The following BBX variants were observed in gnomAD, a reference collection of about 807,000 sequenced individuals.
The protein encoded by BBX is BBX high mobility group box domain containing.
In BBX, 30 loss-of-function variants were observed where a neutral mutation model predicts 100.2. The ratio of observed to expected loss-of-function variants is 0.30; its 90% confidence interval spans 0.22 to 0.41. The LOEUF is 0.41. Ranked by LOEUF, BBX falls within the 10% of genes least tolerant of loss-of-function variation. BBX has a pLI of 1.00. For missense variants in BBX, 1,023 were observed against 1,129.8 expected (o/e 0.91, Z 1.35); for synonymous variants, 376 against 388.1 (o/e 0.97, Z 0.37).
At chr3:107,685,454 G>A (rs1028297610) in intron 3 of BBX, among the ~76,000 whole-genome samples, 3 of 152,194 alleles carry the variant, frequency 2.0e-5, no homozygotes, top group Non-Finnish European at 2.9e-5. Context: ...GCAAAGGGGA[G>A]GAAACTCATC....
At chr3:107,690,519 C>T (rs879522029) in intron 3 of BBX, among the ~76,000 whole-genome samples, 22 of 152,134 alleles carry the variant, frequency 1.4e-4, no homozygotes, top group Admixed American at 1.2e-3. Context: ...TTGGGTTTAA[C>T]TCAATATGTG....
chr3:107,783,221 C>T lies in BBX; in HGVS notation c.2203+4702C>T, dbSNP rs547340874. 5.3e-5 allele frequency among the ~76,000 whole-genome samples: 8 copies of T among 152,124 alleles called. No individual in the cohort carries two copies. In the South Asian group the frequency reaches 1.7e-3, roughly 31 times the overall value. ...CTCAGTGACTACAATTAAATCTTAT[C>T]TATTTGTTTTCGAGTTTGTCACTTT... On this transcript the variant is annotated intron_variant, in intron 13 of 17. Coordinates refer to ENST00000325805, the MANE Select transcript of BBX (RefSeq NM_001142568.3).
chr3:107,795,955 C>T (rs989718715), intron 15 of BBX, among the ~76,000 whole-genome samples: 3 of 152,212 alleles, frequency 2.0e-5, no homozygotes, highest in African/African-American at 7.2e-5. Flanking sequence ...GTGCTAGTCA[C>T]AGGAGTACTG....
At chr3:107,605,453 C>T (rs1414810011) in intron 2 of BBX, among the ~76,000 whole-genome samples, 1 of 151,316 alleles carries the variant, frequency 6.6e-6, no homozygotes, top group Non-Finnish European at 1.5e-5. Flanking sequence ...ATTTGTTATT[C>T]ACTCAGTGTT....
At chr3:107,741,164 T>A (rs1255089883) in intron 7 of BBX, among the ~76,000 whole-genome samples, 2 of 151,926 alleles carry the variant, frequency 1.3e-5, no homozygotes, top group Non-Finnish European at 2.9e-5. Context: ...CGGCAGTGCA[T>A]GGTTGTGGTC....
At chr3:107,772,245 C>G (rs569136368) in intron 10 of BBX, among the ~76,000 whole-genome samples, 5 of 152,256 alleles carry the variant, frequency 3.3e-5, no homozygotes, top group African/African-American at 1.2e-4. Context: ...TTTACAGAAG[C>G]CACAGAGGAG....
Position 107,716,663 on chromosome 3 carries a change from T to G in BBX, c.219T>G (p.Asp73Glu). The change falls in exon 5 of 18, where the codon GAT (aspartate) becomes GAG (glutamate). Residue 73 changes from aspartate to glutamate, a missense_variant. By Grantham distance (45) the Asp-to-Glu change is conservative (BLOSUM62 2). Coordinates refer to ENST00000325805, the MANE Select transcript of BBX (RefSeq NM_001142568.3). The stretch of plus-strand genomic sequence containing the variant: ...AAGATGTTGGTGAAACTGAAGATGA[T>G]GAATCACCAGAGCAGCGAGCCCGGA... Reference protein sequence around the residue: ...LEQDVGETEDDESPEQRARRP... With the variant: ...LEQDVGETEDEESPEQRARRP... The G allele has an allele frequency of 6.2e-7, 1 of 1,613,834 alleles. No homozygotes were observed. Among genetic ancestry groups the G allele is most frequent in the Non-Finnish European group, 8.5e-7 (1 of 1,179,810 alleles).
chr3:107,761,540 A>G (rs941604032), intron 10 of BBX, among the ~76,000 whole-genome samples: 1 of 152,126 alleles, frequency 6.6e-6, no homozygotes, highest in African/African-American at 2.4e-5. Flanking sequence ...GAATTGTTTG[A>G]GTGAGTCAAT....
chr3:107,743,902 CTTCT>C (rs2064323910), intron 7 of BBX, among the ~76,000 whole-genome samples: 1 of 26,616 alleles, frequency 3.8e-5, no homozygotes, highest in Non-Finnish European at 8.9e-5. Flanking sequence ...GGTGATTTTT[CTTCT>C]TTGTTTTAGT....
chr3:107,759,361 A>G (rs968503612), intron 10 of BBX, among the ~76,000 whole-genome samples: 2 of 152,200 alleles, frequency 1.3e-5, no homozygotes, highest in Admixed American at 6.5e-5. Flanking sequence ...TTGGACCTCC[A>G]TGAAGTTCAT....
intron 10 of BBX, among the ~76,000 whole-genome samples, chr3:107,772,078 G>A (rs1008954587): frequency 2.7e-5 from 3 of 109,146 alleles, no homozygotes; most frequent in Admixed American, 2.2e-4. Context: ...AGTATATAAC[G>A]CAAACATTCC....
chr3:107,538,383 G>C (rs535389276), intron 2 of BBX, among the ~76,000 whole-genome samples: 1 of 152,236 alleles, frequency 6.6e-6, no homozygotes, highest in Admixed American at 6.5e-5. Context: ...CTGTGATCAT[G>C]AATCAGTTGT....
At chr3:107,606,413 G>T (rs191994819) in intron 2 of BBX, among the ~76,000 whole-genome samples, 1 of 152,144 alleles carries the variant, frequency 6.6e-6, no homozygotes, top group Non-Finnish European at 1.5e-5. Flanking sequence ...TCCTTCAGCC[G>T]TTTGGTTAAT....
chr3:107,772,680 C>G lies in BBX; in HGVS notation c.959C>G (p.Ala320Gly). The G allele has an allele frequency of 6.2e-7, 1 of 1,600,460 alleles. No homozygotes were observed. Among genetic ancestry groups the G allele is most frequent in the Non-Finnish European group, 8.5e-7 (1 of 1,176,864 alleles). ...MKMEESKLIK[A>G]KESDGGRIKE... ...ATGGAAGAATCAAAGCTAATAAAAG[C>G]AAAAGAATCCGATGGTGGAAGAATT... Residue 320 changes from alanine (A) to glycine (G), a missense_variant, in exon 11 of 18, where the codon GCA (alanine) becomes GGA (glycine). By Grantham distance (60) the Ala-to-Gly change is moderately conservative. Around this residue, in one of 9 missense-constraint regions of BBX, gnomAD observed 348 missense variants for 353.2 expected, o/e 0.99. Coordinates refer to ENST00000325805, the MANE Select transcript of BBX (RefSeq NM_001142568.3).
intron 3 of BBX, among the ~76,000 whole-genome samples, chr3:107,700,423 T>C (rs917550417): frequency 0.015 from 1,674 of 112,394 alleles, 25 homozygotes; most frequent in Middle Eastern, 0.055. Context: ...TCATTATTAT[T>C]ATTATTATTA....
At chr3:107,645,151 A>G (rs1486888990) in intron 2 of BBX, among the ~76,000 whole-genome samples, 1 of 152,308 alleles carries the variant, frequency 6.6e-6, no homozygotes, top group African/African-American at 2.4e-5. Context: ...ACAAAGAAAC[A>G]TAAATGATAA....
At chr3:107,583,463 T>C (rs2052434660) in intron 2 of BBX, among the ~76,000 whole-genome samples, 1 of 152,014 alleles carries the variant, frequency 6.6e-6, no homozygotes, top group Non-Finnish European at 1.5e-5. Context: ...TTTTTGCATC[T>C]CATTTTTTAT....
At chr3:107,550,881 G>A (rs1279574578) in intron 2 of BBX, among the ~76,000 whole-genome samples, 1 of 152,174 alleles carries the variant, frequency 6.6e-6, no homozygotes, top group Non-Finnish European at 1.5e-5. Context: ...ATATTTTAGA[G>A]GCGGAATTGA....
intron 3 of BBX, among the ~76,000 whole-genome samples, chr3:107,689,166 A>G (rs2060010616): frequency 6.6e-6 from 1 of 152,208 alleles, no homozygotes; most frequent in Admixed American, 6.5e-5. Context: ...TTTAAAATCT[A>G]GCAATACTTG....
Sources: allele counts gnomAD v4.1 joint callset (sites outside exome capture counted in the v4.1 genomes callset), GRCh38; gene constraint gnomAD v4.1.1; regional missense constraint gnomAD v4.1.1; transcripts MANE v1.5; gene names NCBI Gene and HGNC (gene_info 2026-07-23, HGNC 2026-07-21).